PHKB: variants seen among roughly 807,000 people sequenced by gnomAD.
PHKB encodes phosphorylase b kinase regulatory subunit beta.
In PHKB, 122 loss-of-function variants were observed where a neutral mutation model predicts 152.1. The observed-to-expected ratio is 0.80, with a 90% CI of 0.69 to 0.93. The LOEUF is 0.93. Ranked by LOEUF, PHKB falls within the 40% of genes least tolerant of loss-of-function variation. The probability of loss-of-function intolerance (pLI) is 0.00; values close to 1 mark genes in which losing one functional copy is unlikely to be tolerated. For missense variants in PHKB, 1,304 were observed against 1,328.4 expected (o/e 0.98, Z 0.29); for synonymous variants, 436 against 464.9 (o/e 0.94, Z 0.80).
At chr16:47,560,396 A>G (rs1347412173) in intron 7 of PHKB, among the ~76,000 whole-genome samples, 1 of 152,220 alleles carries the variant, frequency 6.6e-6, no homozygotes, top group Non-Finnish European at 1.5e-5. Context: ...AAATCCAACT[A>G]TCTTTGTTGC....
intron 1 of PHKB, among the ~76,000 whole-genome samples, chr16:47,473,486 TTTTTA>T (rs1969816314): frequency 1.3e-5 from 2 of 152,150 alleles, no homozygotes; most frequent in East Asian, 3.9e-4. Flanking sequence ...TTGTTGCTGT[TTTTTA>T]TTTTATTATT....
chr16:47,590,513 G>A (rs956115941), intron 10 of PHKB: 3 of 152,122 alleles, frequency 2.0e-5, no homozygotes, highest in Non-Finnish European at 4.4e-5. Context: ...CAGTCTGTTA[G>A]GTTGGGCCAA....
chr16:47,541,976 G>A (rs1299099328), intron 6 of PHKB, among the ~76,000 whole-genome samples: 2 of 152,012 alleles, frequency 1.3e-5, no homozygotes, highest in Non-Finnish European at 2.9e-5. Flanking sequence ...AGTTTCTTTT[G>A]CTGTGCAGAA....
At position 47,558,778 on chromosome 16, in the gene PHKB, A is replaced by G. The variant is rs527549058; in HGVS notation, c.710+11230A>G. Among the ~76,000 whole-genome samples, 4 of 152,324 alleles carry G rather than the reference A, an allele frequency of 2.6e-5. No individual in the cohort carries two copies. The South Asian group carries it at 8.3e-4, about 32-fold the overall frequency. ...TGGCCAGGCTGGTCTTGAGCCCCTG[A>G]CCTCAAGTGGTCTTGCCCACCTTGG... is the stretch of plus-strand genomic sequence containing the variant. On this transcript the variant is annotated intron_variant, in intron 7 of 30. Transcript: ENST00000323584.
intron 1 of PHKB, among the ~76,000 whole-genome samples, chr16:47,475,964 C>T (rs961063300): frequency 1.3e-5 from 2 of 152,154 alleles, no homozygotes; most frequent in Non-Finnish European, 2.9e-5. Context: ...AACTTCTGGG[C>T]TCAAGTGATC....
At chr16:47,565,752 A>G in intron 7 of PHKB, 1 of 1,501,748 alleles carries the variant, frequency 6.7e-7, no homozygotes, top group Non-Finnish European at 9.2e-7. Context: ...CTGATGCTGC[A>G]ACTTCTCTTG....
intron 4 of PHKB, among the ~76,000 whole-genome samples, chr16:47,511,412 A>G (rs932402409): frequency 6.6e-6 from 1 of 152,228 alleles, no homozygotes; most frequent in Non-Finnish European, 1.5e-5. Context: ...CATTGCTACT[A>G]CATTAACCTG....
intron 8 of PHKB, among the ~76,000 whole-genome samples, chr16:47,584,525 G>A (rs1329888228): frequency 6.6e-6 from 1 of 152,182 alleles, no homozygotes; most frequent in Non-Finnish European, 1.5e-5. Flanking sequence ...CTTGGGTTGT[G>A]AGAGGGGCTG....
At chr16:47,505,114 C>A (rs939590639) in intron 4 of PHKB, among the ~76,000 whole-genome samples, 1 of 152,196 alleles carries the variant, frequency 6.6e-6, no homozygotes, top group African/African-American at 2.4e-5. Context: ...AAAACCCACC[C>A]CACATGGTTT....
At chr16:47,602,557 TTTTTTC>T (rs1208474556) in intron 13 of PHKB, among the ~76,000 whole-genome samples, 1 of 150,162 alleles carries the variant, frequency 6.7e-6, no homozygotes, top group African/African-American at 2.4e-5. Flanking sequence ...TTTTTTTTTT[TTTTTTC>T]TTTTCTTACA....
intron 26 of PHKB, among the ~76,000 whole-genome samples, chr16:47,681,729 G>T (rs536502931): frequency 8.0e-4 from 121 of 152,166 alleles, no homozygotes; most frequent in Non-Finnish European, 1.5e-3. Flanking sequence ...TATCCAATTT[G>T]CCAGTCTGTG....
At chr16:47,610,707 C>A in intron 13 of PHKB, 119 bp from the exon 14 acceptor site, 1 of 711,454 alleles carries the variant, frequency 1.4e-6, no homozygotes, top group Non-Finnish European at 2.6e-6. Context: ...GAGGATGTTT[C>A]ATGTACACTG....
chr16:47,495,855 C>G (rs1597030170), intron 1 of PHKB, among the ~76,000 whole-genome samples: 1 of 152,274 alleles, frequency 6.6e-6, no homozygotes, highest in East Asian at 1.9e-4. Context: ...TGGACCCATT[C>G]CTGTTGGTGC....
intron 14 of PHKB, among the ~76,000 whole-genome samples, chr16:47,622,331 C>T (rs940886920): frequency 9.2e-5 from 14 of 152,096 alleles, no homozygotes; most frequent in African/African-American, 2.9e-4. Context: ...TATCAATTAA[C>T]GCCTTCTAGC....
In PHKB at chr16:47,603,219, G is replaced by A. The variant is rs146203851; in HGVS notation, c.1363+6688G>A. 1.8e-3 allele frequency among the ~76,000 whole-genome samples: 267 copies of A among 152,296 alleles called. 1 individual carries two copies. The highest frequency in any genetic ancestry group is 3.2e-3 in the African/African-American group (133 of 41,564). On this transcript the variant is annotated intron_variant, in intron 13 of 30. Coordinates refer to ENST00000323584, the MANE Select transcript of PHKB (RefSeq NM_000293.3). Reference sequence around the variant, plus strand: ...CAAATGCAGTTGACTCTTCAGGATAGCACGTGGTTTTCTTACTGCTCCGTT... The same window carrying A: ...CAAATGCAGTTGACTCTTCAGGATAACACGTGGTTTTCTTACTGCTCCGTT...
chr16:47,544,787 A>T (rs958655109), intron 6 of PHKB, among the ~76,000 whole-genome samples: 1 of 152,174 alleles, frequency 6.6e-6, no homozygotes, highest in African/African-American at 2.4e-5. Flanking sequence ...TTGGGTGCAC[A>T]TATCATATAT....
At chr16:47,576,115 A>C (rs928699812) in intron 7 of PHKB, among the ~76,000 whole-genome samples, 1 of 152,098 alleles carries the variant, frequency 6.6e-6, no homozygotes, top group Non-Finnish European at 1.5e-5. Context: ...AGCAAAAAAA[A>C]CCCAGACTTC....
chr16:47,488,382 T>C (rs929965532), intron 1 of PHKB, among the ~76,000 whole-genome samples: 4 of 152,318 alleles, frequency 2.6e-5, no homozygotes, highest in African/African-American at 9.6e-5. Context: ...TTTCCCATTC[T>C]CTAGATTGTC....
chr16:47,524,556 G>A (rs1430912419), intron 6 of PHKB, among the ~76,000 whole-genome samples: 2 of 152,174 alleles, frequency 1.3e-5, no homozygotes, highest in Non-Finnish European at 2.9e-5. Context: ...ATCACCTGAG[G>A]TCAGGAGTTC....
Sources: gnomAD v4.1 joint callset for allele counts (sites outside exome capture counted in the v4.1 genomes callset) on GRCh38, gnomAD v4.1.1 for gene constraint, MANE v1.5 for transcripts, NCBI Gene and HGNC (gene_info 2026-07-23, HGNC 2026-07-21) for gene names.